The following DGKI variants were observed in gnomAD, a reference collection of about 807,000 sequenced individuals.
DGKI encodes the protein DAG kinase iota.
In DGKI, 55 loss-of-function variants were observed where a neutral mutation model predicts 147.5. The observed-to-expected ratio is 0.37, with a 90% CI of 0.30 to 0.47. DGKI has a LOEUF of 0.47. DGKI is among the 20% of genes least tolerant of loss of function. The pLI is 1.00. For synonymous variants in DGKI, 469 were observed against 477.1 expected, an observed-to-expected ratio of 0.98 and a Z score of 0.22; for missense variants, 1,007 against 1,323.8, an observed-to-expected ratio of 0.76 and a Z score of 3.71.
chr7:137,434,680 G>C (rs1813214800), intron 28 of DGKI, among the ~76,000 whole-genome samples: 1 of 152,052 alleles, frequency 6.6e-6, no homozygotes, highest in South Asian at 2.1e-4. Context: ...CACCAACAAA[G>C]CATTCCAGAA....
intron 28 of DGKI, among the ~76,000 whole-genome samples, chr7:137,429,426 G>A (rs1336991493): frequency 1.3e-5 from 2 of 151,680 alleles, no homozygotes; most frequent in East Asian, 2.0e-4. Flanking sequence ...AGACTTAAAC[G>A]TTAGACCTAA....
At chr7:137,554,543 T>C (rs769787599) in intron 19 of DGKI, among the ~76,000 whole-genome samples, 37 of 152,224 alleles carry the variant, frequency 2.4e-4, no homozygotes, top group Middle Eastern at 3.2e-3. Context: ...AGCTCTCCTT[T>C]GCACTGCAGC....
rs1811327868 is a variant in DGKI at position 137,390,732 on chromosome 7, G to A, written c.*488C>T. ...CAGTTATATTTCTGCAGGACATTCA[G>A]AAGGTTTTAGAAGGCCTTCAGACAA... On this transcript the variant is annotated 3_prime_UTR_variant, in exon 33 of 33. Coordinates refer to ENST00000614521, the MANE Select transcript of DGKI (RefSeq NM_001321708.2). 6.4e-6 allele frequency: 1 copy of A among 156,958 alleles called. No individual in the cohort carries two copies. Among genetic ancestry groups the A allele is most frequent in the Non-Finnish European group, 1.4e-5 (1 of 70,544 alleles). The allele number at this position is 156,958 out of a possible 1,614,324, so 9.7% of individuals were successfully genotyped here.
intron 30 of DGKI, among the ~76,000 whole-genome samples, chr7:137,404,016 G>C (rs1008109893): frequency 1.3e-5 from 2 of 152,120 alleles, no homozygotes; most frequent in African/African-American, 4.8e-5. Flanking sequence ...ATATTCCAGA[G>C]TTATCATCAT....
chr7:137,426,934 C>A (rs1312852904), intron 28 of DGKI, among the ~76,000 whole-genome samples: 11 of 151,448 alleles, frequency 7.3e-5, no homozygotes, highest in Non-Finnish European at 1.2e-4. Context: ...GACTTAGACT[C>A]CCACACATTA....
intron 6 of DGKI, among the ~76,000 whole-genome samples, chr7:137,635,601 T>G (rs896833320): frequency 3.3e-5 from 5 of 152,094 alleles, no homozygotes; most frequent in Non-Finnish European, 1.5e-5. Flanking sequence ...CATGTGACCA[T>G]GAGATCCACT....
chr7:137,425,482 A>C (rs967289875), intron 28 of DGKI, among the ~76,000 whole-genome samples: 3 of 152,246 alleles, frequency 2.0e-5, no homozygotes, highest in African/African-American at 7.2e-5. Flanking sequence ...AACTCTAAAA[A>C]GCAGAGCGCC....
intron 27 of DGKI, among the ~76,000 whole-genome samples, chr7:137,453,589 G>T (rs529293176): frequency 1.3e-5 from 2 of 152,286 alleles, no homozygotes; most frequent in East Asian, 3.9e-4. Context: ...ACACAGAGTG[G>T]CATTGAAATG....
chr7:137,715,151 G>A (rs2116584515), intron 1 of DGKI, among the ~76,000 whole-genome samples: 1 of 152,244 alleles, frequency 6.6e-6, no homozygotes, highest in South Asian at 2.1e-4. Flanking sequence ...TAAGACCAGT[G>A]GTCTGGTTTT....
chr7:137,523,022 AAAGGAGGAAAAGG>A (rs1817017850), intron 20 of DGKI, among the ~76,000 whole-genome samples: 1 of 152,010 alleles, frequency 6.6e-6, no homozygotes, highest in Non-Finnish European at 1.5e-5. Flanking sequence ...TTGTTCCTGT[AAAGGAGGAAAAGG>A]AAGGAAAGAA....
chr7:137,581,376 T>A (rs939793764), intron 15 of DGKI, among the ~76,000 whole-genome samples: 6 of 152,146 alleles, frequency 3.9e-5, no homozygotes, highest in Admixed American at 6.6e-5. Context: ...AAGATGCCTG[T>A]TGTTTCTTTT....
At chr7:137,705,658 T>G (rs1314929927) in intron 1 of DGKI, among the ~76,000 whole-genome samples, 1 of 152,108 alleles carries the variant, frequency 6.6e-6, no homozygotes, top group Non-Finnish European at 1.5e-5. Context: ...ATTATACAAC[T>G]GTACACATTT....
intron 28 of DGKI, among the ~76,000 whole-genome samples, chr7:137,432,468 T>C (rs756850075): frequency 2.0e-5 from 3 of 152,220 alleles, no homozygotes; most frequent in African/African-American, 7.2e-5. Flanking sequence ...TCTTGCACAC[T>C]TCATCTCTTC....
At chr7:137,840,795 A>G (rs1489925350) in intron 1 of DGKI, among the ~76,000 whole-genome samples, 1 of 152,272 alleles carries the variant, frequency 6.6e-6, no homozygotes, top group African/African-American at 2.4e-5. Context: ...TAAAATGCCA[A>G]TGAAATGTAT....
At chr7:137,833,654 G>A (rs1798282107) in intron 1 of DGKI, among the ~76,000 whole-genome samples, 1 of 152,152 alleles carries the variant, frequency 6.6e-6, no homozygotes, top group East Asian at 1.9e-4. Flanking sequence ...ACTGCCAGTG[G>A]ATATGAACAA....
At chr7:137,396,259 G>A (rs569030208) in intron 31 of DGKI, among the ~76,000 whole-genome samples, 1 of 152,180 alleles carries the variant, frequency 6.6e-6, no homozygotes, top group South Asian at 2.1e-4. Context: ...TGGAAGGAGG[G>A]GGCAGCCATA....
intron 20 of DGKI, among the ~76,000 whole-genome samples, chr7:137,530,149 A>C (rs1246251715): frequency 1.3e-5 from 2 of 152,164 alleles, no homozygotes; most frequent in African/African-American, 4.8e-5. Flanking sequence ...CCATAAGACT[A>C]TACAATATTG....
intron 1 of DGKI, among the ~76,000 whole-genome samples, chr7:137,736,146 A>C (rs1323090359): frequency 6.6e-6 from 1 of 152,112 alleles, no homozygotes; most frequent in Non-Finnish European, 1.5e-5. Context: ...AATTTCTCCT[A>C]AGATAAGCCA....
intron 1 of DGKI, among the ~76,000 whole-genome samples, chr7:137,807,732 C>G (rs930789873): frequency 6.6e-6 from 1 of 152,190 alleles, no homozygotes; most frequent in African/African-American, 2.4e-5. Context: ...ATGGGGCCAG[C>G]CTGAGAGTCT....
Sources: gnomAD v4.1 joint callset for allele counts (sites outside exome capture counted in the v4.1 genomes callset) on GRCh38, gnomAD v4.1.1 for gene constraint, MANE v1.5 for transcripts, NCBI Gene and HGNC (gene_info 2026-07-23, HGNC 2026-07-21) for gene names.